Variants in ZC3H12B observed in about 807,000 individuals in gnomAD.
ZC3H12B encodes probable ribonuclease ZC3H12B.
Under a neutral mutation model 43.9 loss-of-function variants are expected in ZC3H12B, and 7 were observed. That is an observed-to-expected ratio of 0.16 (90% CI 0.09 to 0.30). The LOEUF (loss-of-function observed/expected upper bound fraction) is 0.30. ZC3H12B is among the 10% of genes least tolerant of loss of function. ZC3H12B has a pLI of 1.00. For synonymous variants in ZC3H12B, 222 were observed against 241.7 expected (o/e 0.92, Z 0.76); for missense variants, 475 against 670.2 (o/e 0.71, Z 3.22).
At chrX:65,213,731 T>A in the ZC3H12B span, among the ~76,000 whole-genome samples, 1 of 110,500 alleles carries the variant, frequency 9.0e-6, no homozygotes, top group African/African-American at 3.3e-5. Context: ...CTACTTATTT[T>A]TTGAAATACC....
At chrX:65,162,577 C>T in the ZC3H12B span, among the ~76,000 whole-genome samples, 1 of 112,179 alleles carries the variant, frequency 8.9e-6, no homozygotes, top group Non-Finnish European at 1.9e-5. Flanking sequence ...GAGGCTTCTG[C>T]ATTCTTCACG....
the ZC3H12B span, among the ~76,000 whole-genome samples, chrX:65,244,030 G>T: frequency 9.0e-6 from 1 of 111,346 alleles, no homozygotes; most frequent in Admixed American, 9.6e-5. Flanking sequence ...AATATAGTTA[G>T]AGGGTAAAAG....
At chrX:65,436,935 A>ATTT (rs1472381675) in intron 3 of ZC3H12B, among the ~76,000 whole-genome samples, 1 of 110,272 alleles carries the variant, frequency 9.1e-6, no homozygotes, top group African/African-American at 3.3e-5. Flanking sequence ...GATCTTATTC[A>ATTT]TTTTATTATT....
intron 3 of ZC3H12B, among the ~76,000 whole-genome samples, chrX:65,473,325 T>G (rs2067952519): frequency 3.6e-5 from 4 of 110,868 alleles, no homozygotes; most frequent in Admixed American, 2.9e-4. Context: ...ATGTAATATA[T>G]TTTTAAATCA....
At chrX:65,310,819 A>T in the ZC3H12B span, among the ~76,000 whole-genome samples, 1 of 111,719 alleles carries the variant, frequency 9.0e-6, no homozygotes, top group Non-Finnish European at 1.9e-5. Context: ...ATGGAACAGA[A>T]CAGGGGCCTC....
At chrX:65,346,259 T>TA in the ZC3H12B span, among the ~76,000 whole-genome samples, 2,250 of 86,284 alleles carry the variant, frequency 0.026, 50 homozygotes, top group African/African-American at 0.073. Flanking sequence ...ATGGTACTAG[T>TA]AAAAAAAAAA....
chrX:65,188,573 T>C, the ZC3H12B span, among the ~76,000 whole-genome samples: 2 of 110,913 alleles, frequency 1.8e-5, no homozygotes, highest in Non-Finnish European at 3.8e-5. Context: ...ATCAATGATA[T>C]TCAGCACCTT....
chrX:65,369,402 T>C (rs1320442841), intron 2 of ZC3H12B, among the ~76,000 whole-genome samples: 1 of 112,000 alleles, frequency 8.9e-6, no homozygotes, highest in Non-Finnish European at 1.9e-5. Flanking sequence ...TTATTTGACT[T>C]GCCTAAGATC....
the ZC3H12B span, among the ~76,000 whole-genome samples, chrX:65,357,970 T>C: frequency 5.0e-4 from 54 of 107,272 alleles, no homozygotes; most frequent in African/African-American, 1.8e-3. Flanking sequence ...AAGACACACA[T>C]AGGCTCAAAA....
intron 1 of ZC3H12B, among the ~76,000 whole-genome samples, chrX:65,493,150 T>C (rs2068228745): frequency 9.1e-6 from 1 of 109,976 alleles, no homozygotes; most frequent in Admixed American, 9.7e-5. Context: ...CTCACACCTG[T>C]AATCCCAGAA....
At chrX:65,156,217 G>T in the ZC3H12B span, among the ~76,000 whole-genome samples, 1 of 110,154 alleles carries the variant, frequency 9.1e-6, no homozygotes, top group African/African-American at 3.3e-5. Context: ...TTTAAGACAG[G>T]GTCTTGCTGT....
At chrX:65,101,566 C>T in the ZC3H12B span, among the ~76,000 whole-genome samples, 1 of 112,058 alleles carries the variant, frequency 8.9e-6, no homozygotes, top group Non-Finnish European at 1.9e-5. Context: ...GACATCACCA[C>T]TGATCTCACA....
the ZC3H12B span, among the ~76,000 whole-genome samples, chrX:65,056,798 G>A: frequency 9.0e-6 from 1 of 111,676 alleles, no homozygotes; most frequent in African/African-American, 3.3e-5. Flanking sequence ...TATATATTTA[G>A]GATAGTTAGC....
At chrX:65,282,763 A>G in the ZC3H12B span, among the ~76,000 whole-genome samples, 1 of 111,870 alleles carries the variant, frequency 8.9e-6, no homozygotes, top group Non-Finnish European at 1.9e-5. Flanking sequence ...CCCTCCCAAG[A>G]CTAAACCAGG....
At chrX:65,152,337 T>A in the ZC3H12B span, among the ~76,000 whole-genome samples, 1 of 111,615 alleles carries the variant, frequency 9.0e-6, no homozygotes, top group East Asian at 2.8e-4. Context: ...AAAACCCCAA[T>A]GTCTCAGCCC....
the ZC3H12B span, among the ~76,000 whole-genome samples, chrX:65,121,314 G>T: frequency 1.8e-5 from 2 of 111,125 alleles, no homozygotes; most frequent in African/African-American, 3.3e-5. Context: ...ATTAATTATT[G>T]CCTCAATTTC....
At chrX:65,334,168 C>A in the ZC3H12B span, among the ~76,000 whole-genome samples, 1 of 111,804 alleles carries the variant, frequency 8.9e-6, no homozygotes, top group Non-Finnish European at 1.9e-5. Flanking sequence ...CTTTTATAAC[C>A]CTTTACAATT....
chrX:65,084,547 C>T, the ZC3H12B span, among the ~76,000 whole-genome samples: 1 of 112,361 alleles, frequency 8.9e-6, no homozygotes. Context: ...CAAATAAAAA[C>T]TACAATGAGA....
chrX:65,095,018 C>G, the ZC3H12B span, among the ~76,000 whole-genome samples: 1 of 111,985 alleles, frequency 8.9e-6, no homozygotes, highest in Non-Finnish European at 1.9e-5. Context: ...CATGTCAAGA[C>G]AAACTGAGAA....
Sources: allele counts gnomAD v4.1 joint callset (sites outside exome capture counted in the v4.1 genomes callset), GRCh38; gene constraint gnomAD v4.1.1; transcripts MANE v1.5; gene names NCBI Gene and HGNC (gene_info 2026-07-23, HGNC 2026-07-21).